The following LINGO2 variants were observed in gnomAD, a reference collection of about 807,000 sequenced individuals.
The protein encoded by LINGO2 is leucine rich repeat and Ig domain containing 2.
A neutral mutation model predicts 30.6 loss-of-function variants in LINGO2; 14 were observed. That is an observed-to-expected ratio of 0.46 (90% CI 0.30 to 0.72). The LOEUF is 0.72. LINGO2 is among the 30% of genes least tolerant of loss of function. The pLI is 0.07. For missense variants in LINGO2, 729 were observed against 751.7 expected, an observed-to-expected ratio of 0.97 and a Z score of 0.35; for synonymous variants, 317 against 288.5, an observed-to-expected ratio of 1.10 and a Z score of -1.00.
At chr9:28,580,245 A>G (rs1235458907) in intron 1 of LINGO2, among the ~76,000 whole-genome samples, 2 of 152,094 alleles carry the variant, frequency 1.3e-5, no homozygotes, top group African/African-American at 4.8e-5. Flanking sequence ...CAGCTAATGT[A>G]TAAATCCAAA....
the LINGO2 span, among the ~76,000 whole-genome samples, chr9:28,770,047 T>G: frequency 2.8e-4 from 42 of 152,222 alleles, no homozygotes; most frequent in African/African-American, 7.2e-4. Flanking sequence ...TTCTCCACTT[T>G]TATTTAGACA....
intron 4 of LINGO2, among the ~76,000 whole-genome samples, chr9:28,084,982 G>A (rs1271375950): frequency 6.6e-6 from 1 of 152,034 alleles, no homozygotes; most frequent in East Asian, 1.9e-4. Flanking sequence ...GCTATATAAG[G>A]TACTCTATGA....
At chr9:28,673,799 C>G (rs946133471), upstream of LINGO2, among the ~76,000 whole-genome samples, 1 of 151,756 alleles carries the variant, frequency 6.6e-6, no homozygotes, top group African/African-American at 2.4e-5. Flanking sequence ...AGACTGAGAA[C>G]AAAAACGTAA....
intron 5 of LINGO2, among the ~76,000 whole-genome samples, chr9:27,958,712 T>C (rs1819696800): frequency 6.6e-6 from 1 of 152,164 alleles, no homozygotes. Context: ...TAGGGTTTGG[T>C]AGTATCTGCA....
intron 1 of LINGO2, among the ~76,000 whole-genome samples, chr9:28,661,008 C>A (rs1045290859): frequency 2.6e-5 from 4 of 152,032 alleles, no homozygotes; most frequent in African/African-American, 9.7e-5. Flanking sequence ...TTGTAGACTG[C>A]AAAAATGTCC....
the LINGO2 span, among the ~76,000 whole-genome samples, chr9:28,733,453 A>G: frequency 6.6e-6 from 1 of 152,142 alleles, no homozygotes; most frequent in Non-Finnish European, 1.5e-5. Context: ...ACATTAAGTG[A>G]ACTTATGGAC....
At chr9:29,132,183 A>G in the LINGO2 span, among the ~76,000 whole-genome samples, 36,967 of 151,778 alleles carry the variant, frequency 0.24, 4,685 homozygotes, top group East Asian at 0.44. Context: ...TCTGCCTCCC[A>G]TAAAGATCAA....
At chr9:28,728,474 G>A in the LINGO2 span, among the ~76,000 whole-genome samples, 7 of 151,592 alleles carry the variant, frequency 4.6e-5, 1 homozygote, top group Non-Finnish European at 8.8e-5. Flanking sequence ...CATATAAAAA[G>A]AATGTTCTCT....
chr9:28,981,643 TG>T, the LINGO2 span, among the ~76,000 whole-genome samples: 1 of 152,072 alleles, frequency 6.6e-6, no homozygotes, highest in Non-Finnish European at 1.5e-5. Flanking sequence ...GAAAGTCAAA[TG>T]GTATTGAATC....
chr9:28,314,304 C>G (rs1161779602), intron 3 of LINGO2, among the ~76,000 whole-genome samples: 2 of 152,144 alleles, frequency 1.3e-5, no homozygotes, highest in Non-Finnish European at 2.9e-5. Context: ...TTAAATGCAG[C>G]TGGATCCTTA....
At chr9:29,100,191 G>A in the LINGO2 span, among the ~76,000 whole-genome samples, 8 of 152,300 alleles carry the variant, frequency 5.3e-5, no homozygotes, top group Admixed American at 1.3e-4. Context: ...AGTTGAACTC[G>A]TGGATATAGA....
chr9:28,708,794 T>C, the LINGO2 span, among the ~76,000 whole-genome samples: 1 of 151,396 alleles, frequency 6.6e-6, no homozygotes, highest in African/African-American at 2.4e-5. Context: ...TCTATCCATC[T>C]ATTATTGTCT....
chr9:28,765,348 G>A, the LINGO2 span, among the ~76,000 whole-genome samples: 1 of 151,994 alleles, frequency 6.6e-6, no homozygotes, highest in Non-Finnish European at 1.5e-5. Flanking sequence ...TAAAACCCAA[G>A]AATACACAGT....
chr9:28,634,384 T>A (rs565006448), intron 1 of LINGO2, among the ~76,000 whole-genome samples: 40 of 152,160 alleles, frequency 2.6e-4, no homozygotes, highest in African/African-American at 9.6e-4. Flanking sequence ...ACATATAATA[T>A]AAACATACCT....
chr9:28,253,085 A>T (rs1301611058), intron 4 of LINGO2, among the ~76,000 whole-genome samples: 1 of 152,188 alleles, frequency 6.6e-6, no homozygotes, highest in Non-Finnish European at 1.5e-5. Flanking sequence ...TAAAAAAAAA[A>T]AAATATTATT....
At chr9:28,052,479 C>T (rs1824722271) in intron 4 of LINGO2, among the ~76,000 whole-genome samples, 1 of 152,004 alleles carries the variant, frequency 6.6e-6, no homozygotes, top group Non-Finnish European at 1.5e-5. Flanking sequence ...CTATTGGGAA[C>T]ATCATTTCCC....
rs1827361275 is a variant in LINGO2, at chr9:28,130,894, C to G, written c.-86-118489G>C. Among the ~76,000 whole-genome samples, 1 of 152,084 alleles carries G rather than the reference C, an allele frequency of 6.6e-6. No homozygotes were observed. Among genetic ancestry groups the G allele is most frequent in the South Asian group, 2.1e-4 (1 of 4,832 alleles). Reference sequence around the variant, plus strand: ...GGCCTTTCAAAATAGGGCCTCACATCTATATTTGTTTCAGTTTTCTGTCTC... The same window carrying G: ...GGCCTTTCAAAATAGGGCCTCACATGTATATTTGTTTCAGTTTTCTGTCTC... On this transcript the variant is annotated intron_variant, in intron 4 of 5. Coordinates refer to ENST00000379992, the Ensembl canonical transcript of LINGO2. This position sits in a 1 kb window ranked among gnomAD's most constrained non-coding sequence, Gnocchi z 5.2.
the LINGO2 span, among the ~76,000 whole-genome samples, chr9:28,805,435 C>T: frequency 1.3e-5 from 2 of 152,132 alleles, no homozygotes; most frequent in African/African-American, 2.4e-5. Context: ...ATATCTACCA[C>T]ATGGCTTCTC....
At chr9:28,810,617 G>T in the LINGO2 span, among the ~76,000 whole-genome samples, 1 of 151,900 alleles carries the variant, frequency 6.6e-6, no homozygotes, top group Non-Finnish European at 1.5e-5. Flanking sequence ...CTTTATATTT[G>T]AATAAAAAAA....
Sources: gnomAD v4.1 joint callset for allele counts (sites outside exome capture counted in the v4.1 genomes callset) on GRCh38, gnomAD v4.1.1 for gene constraint, Gnocchi (gnomAD v3.1) non-coding constraint, MANE v1.5 for transcripts, NCBI Gene and HGNC (gene_info 2026-07-23, HGNC 2026-07-21) for gene names.